The following PRSS23 variants were observed in gnomAD, a reference collection of about 807,000 sequenced individuals.
The protein encoded by PRSS23 is protease, serine 23.
In PRSS23, 25 loss-of-function variants were observed where a neutral mutation model predicts 34.7. The ratio of observed to expected loss-of-function variants is 0.72; its 90% CI spans 0.53 to 1.01. The LOEUF is 1.01. Among genes scored for constraint, PRSS23 ranks in the 50% least tolerant of loss-of-function variants. PRSS23 has a pLI of 0.00. For synonymous variants in PRSS23, 176 were observed against 186.6 expected (o/e 0.94, Z 0.46); for missense variants, 445 against 475.6 (o/e 0.94, Z 0.60).
chr11:86,892,189 T>C (rs901434395), intron 2 of PRSS23: 2 of 152,256 alleles, frequency 1.3e-5, no homozygotes, highest in Non-Finnish European at 1.5e-5. Context: ...ACTATTTGCC[T>C]TGTTAAAATG....
chr11:86,823,579 A>G (rs1008701013), exon 2 of PRSS23: 15 of 702,522 alleles, frequency 2.1e-5, no homozygotes, highest in African/African-American at 2.1e-4. Flanking sequence ...TGGAGTTCAC[A>G]GAAGAGTCGA....
chr11:86,934,039 CTG>C (rs1278818255), intron 2 of PRSS23: 3 of 152,214 alleles, frequency 2.0e-5, no homozygotes, highest in Non-Finnish European at 2.9e-5. Flanking sequence ...AAATTCGAGA[CTG>C]TGTTTGCTTG....
chr11:86,802,669 T>C (rs1948053880), intron 1 of PRSS23, among the ~76,000 whole-genome samples: 1 of 152,166 alleles, frequency 6.6e-6, no homozygotes. Flanking sequence ...ATTTGTACAA[T>C]AGAGAATACA....
intron 2 of PRSS23, among the ~76,000 whole-genome samples, chr11:86,841,214 C>T (rs1948444612): frequency 6.6e-6 from 1 of 151,898 alleles, no homozygotes; most frequent in South Asian, 2.1e-4. Context: ...TGGCACATGC[C>T]TGCAATCCCA....
intron 2 of PRSS23, among the ~76,000 whole-genome samples, chr11:86,918,130 TA>T (rs1949025646): frequency 6.6e-6 from 1 of 152,124 alleles, no homozygotes; most frequent in Non-Finnish European, 1.5e-5. Flanking sequence ...TTGCTGAAAA[TA>T]AAAAGATATC....
chr11:86,849,170 C>T (rs761008678), intron 2 of PRSS23, among the ~76,000 whole-genome samples: 2 of 152,170 alleles, frequency 1.3e-5, no homozygotes, highest in Non-Finnish European at 2.9e-5. Context: ...AACACTGGCC[C>T]AGCTTTCTCA....
intron 2 of PRSS23, among the ~76,000 whole-genome samples, chr11:86,828,146 A>T (rs1948319102): frequency 6.6e-6 from 1 of 152,044 alleles, no homozygotes; most frequent in South Asian, 2.1e-4. Context: ...TTTGTAGGTC[A>T]CTCAGGACTT....
At chr11:86,835,115 G>T (rs930241214) in intron 2 of PRSS23, among the ~76,000 whole-genome samples, 1 of 152,238 alleles carries the variant, frequency 6.6e-6, no homozygotes, top group Non-Finnish European at 1.5e-5. Context: ...CAAGTGTGCA[G>T]TTGCAGCACT....
At chr11:86,865,235 A>G (rs569435221) in intron 2 of PRSS23, among the ~76,000 whole-genome samples, 2 of 152,188 alleles carry the variant, frequency 1.3e-5, no homozygotes, top group South Asian at 4.1e-4. Context: ...AGGCAAGTTG[A>G]GGTTTCAATT....
At chr11:86,851,168 G>T (rs184086569) in intron 2 of PRSS23, among the ~76,000 whole-genome samples, 2 of 152,284 alleles carry the variant, frequency 1.3e-5, no homozygotes, top group African/African-American at 2.4e-5. Context: ...CACTCAAAAA[G>T]TTGTAAGCAG....
At chr11:86,872,149 C>T (rs1213923702) in intron 2 of PRSS23, among the ~76,000 whole-genome samples, 4 of 152,048 alleles carry the variant, frequency 2.6e-5, no homozygotes, top group Non-Finnish European at 4.4e-5. Flanking sequence ...GCAGGACTCT[C>T]GTGGGGATTA....
intron 2 of PRSS23, chr11:86,837,491 A>T (rs12283379): frequency 4.6e-5 from 7 of 152,358 alleles, no homozygotes; most frequent in African/African-American, 1.7e-4. Flanking sequence ...AAGTTTGGCC[A>T]GACACAGTGG....
At chr11:86,900,761 CA>C (rs1948905941) in intron 2 of PRSS23, among the ~76,000 whole-genome samples, 1 of 146,960 alleles carries the variant, frequency 6.8e-6, no homozygotes, top group Non-Finnish European at 1.5e-5. Flanking sequence ...CTTCAAATTT[CA>C]GCATTATTAT....
At chr11:86,870,924 A>G (rs1312082956) in intron 2 of PRSS23, among the ~76,000 whole-genome samples, 4 of 152,170 alleles carry the variant, frequency 2.6e-5, no homozygotes, top group African/African-American at 4.8e-5. Flanking sequence ...ATTCTTAAAC[A>G]CATTTATAAT....
chr11:86,878,798 C>T (rs545346426), intron 2 of PRSS23, among the ~76,000 whole-genome samples: 2 of 151,906 alleles, frequency 1.3e-5, no homozygotes, highest in African/African-American at 4.8e-5. Flanking sequence ...GCCCGGCCAC[C>T]ATCCCATCTA....
At chr11:86,923,274 T>G (rs559804660) in intron 2 of PRSS23, among the ~76,000 whole-genome samples, 22 of 151,948 alleles carry the variant, frequency 1.4e-4, no homozygotes, top group Non-Finnish European at 3.2e-4. Flanking sequence ...CAAGCACACA[T>G]TAACACACCC....
At chr11:86,883,432 G>T (rs1258933231) in intron 2 of PRSS23, among the ~76,000 whole-genome samples, 1 of 152,168 alleles carries the variant, frequency 6.6e-6, no homozygotes, top group East Asian at 1.9e-4. Context: ...GGAATAACTG[G>T]ATAGCCATAT....
intron 2 of PRSS23, chr11:86,949,310 C>T (rs1236018351): frequency 6.6e-6 from 1 of 151,376 alleles, no homozygotes; most frequent in South Asian, 2.1e-4. Flanking sequence ...AAGGCTCAAA[C>T]CAAATTTTTA....
chr11:86,864,675 A>G (rs957752172), intron 2 of PRSS23, among the ~76,000 whole-genome samples: 2 of 120,388 alleles, frequency 1.7e-5, no homozygotes, highest in Non-Finnish European at 4.2e-5. Flanking sequence ...AGACTGATTT[A>G]TTATCTTACA....
Sources: allele counts gnomAD v4.1 joint callset (sites outside exome capture counted in the v4.1 genomes callset), GRCh38; gene constraint gnomAD v4.1.1; transcripts MANE v1.5; gene names NCBI Gene and HGNC (gene_info 2026-07-23, HGNC 2026-07-21).